SNRPN: variants seen among roughly 807,000 people sequenced by gnomAD.
The protein encoded by SNRPN is small nuclear ribonucleoprotein polypeptide N, also known as small nuclear ribonucleoprotein-associated protein N.
Under a neutral mutation model 25.2 loss-of-function variants are expected in SNRPN, and 7 were observed. The ratio of observed to expected loss-of-function variants is 0.28; its 90% confidence interval spans 0.16 to 0.52. The LOEUF (loss-of-function observed/expected upper bound fraction) is 0.52. Ranked by LOEUF, SNRPN falls within the 20% of genes least tolerant of loss-of-function variation. SNRPN has a pLI of 0.96. For missense variants in SNRPN, 196 were observed against 322.5 expected, an observed-to-expected ratio of 0.61 and a Z score of 3.00; for synonymous variants, 124 against 110.6, an observed-to-expected ratio of 1.12 and a Z score of -0.76.
At chr15:24,919,417 C>G (rs1482352900) in intron 2 of SNRPN, among the ~76,000 whole-genome samples, 2 of 134,676 alleles carry the variant, frequency 1.5e-5, no homozygotes, top group African/African-American at 5.7e-5. Flanking sequence ...GGCGACAGAG[C>G]GAGACTCTGT....
chr15:24,911,890 G>A (rs949317234), intron 2 of SNRPN, among the ~76,000 whole-genome samples: 3 of 152,150 alleles, frequency 2.0e-5, no homozygotes, highest in Non-Finnish European at 2.9e-5. Context: ...CTGTAGATCC[G>A]GTAGTGCGTA....
At chr15:24,969,996 G>C (rs181127530) in intron 3 of SNRPN, among the ~76,000 whole-genome samples, 11 of 152,304 alleles carry the variant, frequency 7.2e-5, no homozygotes, top group African/African-American at 2.6e-4. Context: ...ATAATTGGCT[G>C]AGTTTTATTT....
chr15:24,845,825 C>T (rs189328856), intron 2 of SNRPN, among the ~76,000 whole-genome samples: 253 of 152,220 alleles, frequency 1.7e-3, no homozygotes, highest in Middle Eastern at 0.01. Flanking sequence ...TGGCTCAAGA[C>T]TGTAATCCCA....
intron 2 of SNRPN, among the ~76,000 whole-genome samples, chr15:24,902,851 T>A (rs558258990): frequency 6.6e-6 from 1 of 152,218 alleles, no homozygotes; most frequent in East Asian, 1.9e-4. Flanking sequence ...CAAGATTTAT[T>A]GCAAAGAGCA....
Position 24,872,897 on chromosome 15 carries a change from TA to T in SNRPN, c.-578-13618del, listed in dbSNP as rs2055344752. On this transcript the variant is annotated intron_variant, in intron 1 of 11. Transcript: ENST00000400097. ...AAAAAAAAAAAAAAAAAAAAAAAAATAGTTTTCCTCATTGAATTGCCTTGGC... is the reference window on the plus strand; with the variant it reads ...AAAAAAAAAAAAAAAAAAAAAAAAATGTTTTCCTCATTGAATTGCCTTGGC... Among the ~76,000 whole-genome samples, 2 of 80,612 alleles carry T rather than the reference TA, an allele frequency of 2.5e-5. 1 individual carries two copies. Among genetic ancestry groups the T allele is most frequent in the Non-Finnish European group, 5.0e-5 (2 of 39,702 alleles). The allele number at this position is 80,612 out of a possible 152,430, so 52.9% of individuals were successfully genotyped here. A position where few individuals can be genotyped will look rare whatever the true frequency, so the allele number is the denominator to read the frequency against.
rs1194586260 is a variant in SNRPN at position 24,929,471 on chromosome 15, G to A, written c.-391+9347G>A. ...AGATAAATGTAAGCAGGCTTCTGCA[G>A]TGAAAGGGGCCAGGTCTAGGAAGAT... On this transcript the variant is annotated intron_variant, in intron 3 of 11. Transcript: ENST00000400097. This position sits in a 1 kb window ranked among gnomAD's most constrained non-coding sequence, Gnocchi z 5.3. Among the ~76,000 whole-genome samples, 1 of 152,180 alleles carries A rather than the reference G, an allele frequency of 6.6e-6. No individual in the cohort carries two copies. The highest frequency in any genetic ancestry group is 1.5e-5 in the Non-Finnish European group (1 of 68,040).
intron 3 of SNRPN, among the ~76,000 whole-genome samples, chr15:24,969,488 C>T (rs749204722): frequency 8.5e-5 from 13 of 152,134 alleles, no homozygotes; most frequent in Admixed American, 2.0e-4. Context: ...TTTCTTGAAT[C>T]CTTTATACAC....
At chr15:24,886,151 C>T (rs1189057937) in intron 1 of SNRPN, among the ~76,000 whole-genome samples, 1 of 152,086 alleles carries the variant, frequency 6.6e-6, no homozygotes, top group Non-Finnish European at 1.5e-5. Flanking sequence ...TTAGCAAGAC[C>T]CCCACACCTT....
At chr15:24,909,529 T>C (rs2059077198) in intron 2 of SNRPN, 4 of 1,479,680 alleles carry the variant, frequency 2.7e-6, no homozygotes, top group Non-Finnish European at 3.7e-6. Flanking sequence ...CAGTACAATA[T>C]GCTGCAGCAT....
chr15:24,917,684 G>A (rs1037248616), intron 2 of SNRPN, among the ~76,000 whole-genome samples: 1 of 152,254 alleles, frequency 6.6e-6, no homozygotes. Context: ...TGCGCAGTGA[G>A]GATGTTGGTG....
intron 1 of SNRPN, among the ~76,000 whole-genome samples, chr15:24,825,444 A>G (rs566019173): frequency 6.6e-6 from 1 of 152,102 alleles, no homozygotes; most frequent in Non-Finnish European, 1.5e-5. Context: ...TTTATTCTTC[A>G]TTGATGAGAG....
rs548158990 is a variant in SNRPN at position 24,934,025 on chromosome 15, C to T, written c.-391+13901C>T. On this transcript the variant is annotated intron_variant, in intron 3 of 11. Coordinates refer to the SNRPN transcript ENST00000400097. ...TGGTTTTAAATACTTGAGCCAGGTG[C>T]GGTGGCTCACACCTGTAATCCCATC... Among the ~76,000 whole-genome samples, 5 of 152,144 alleles carry T rather than the reference C, an allele frequency of 3.3e-5. No individual in the cohort carries two copies. In the South Asian group the frequency reaches 8.3e-4, roughly 25 times the overall value.
intron 2 of SNRPN, among the ~76,000 whole-genome samples, chr15:24,964,598 T>C (rs2153526864): frequency 6.6e-6 from 1 of 152,198 alleles, no homozygotes; most frequent in East Asian, 1.9e-4. Context: ...GCGCCCAGCC[T>C]CTCCCTTCAT....
chr15:24,834,751 C>CTCTCTCTCTCTCTCTCTATATATATATA, intron 2 of SNRPN, among the ~76,000 whole-genome samples: 2 of 60,956 alleles, frequency 3.3e-5, no homozygotes, highest in African/African-American at 5.9e-5. Flanking sequence ...CTCTCTCTCT[C>CTCTCTCTCTCTCTCTCTATATATATATA]TATATATATA....
intron 3 of SNRPN, among the ~76,000 whole-genome samples, chr15:24,934,283 G>A (rs2061080956): frequency 6.6e-6 from 1 of 152,064 alleles, no homozygotes; most frequent in East Asian, 1.9e-4. Context: ...GGGCAACAGA[G>A]TGAGACTCTG....
chr15:24,964,126 C>G (rs1439264379), intron 2 of SNRPN, among the ~76,000 whole-genome samples: 1 of 150,954 alleles, frequency 6.6e-6, no homozygotes, highest in Non-Finnish European at 1.5e-5. Context: ...TTTATTTTGC[C>G]GATTTTTACT....
At chr15:24,837,276 G>T (rs2051276140) in intron 2 of SNRPN, among the ~76,000 whole-genome samples, 1 of 152,018 alleles carries the variant, frequency 6.6e-6, no homozygotes, top group Non-Finnish European at 1.5e-5. Flanking sequence ...CTATAGGTGG[G>T]ACTCTTAACC....
At chr15:24,935,059 C>T (rs1402404965) in intron 3 of SNRPN, among the ~76,000 whole-genome samples, 3 of 152,052 alleles carry the variant, frequency 2.0e-5, no homozygotes, top group Non-Finnish European at 4.4e-5. Context: ...GTTGCCTGAC[C>T]TCAGGAGTTC....
chr15:24,959,493 A>C (rs1057332485), intron 1 of SNRPN, among the ~76,000 whole-genome samples: 1 of 152,104 alleles, frequency 6.6e-6, no homozygotes. Flanking sequence ...AAATAATAGA[A>C]TATTTTGGTT....
Sources: gnomAD v4.1 joint callset for allele counts (sites outside exome capture counted in the v4.1 genomes callset) on GRCh38, gnomAD v4.1.1 for gene constraint, Gnocchi (gnomAD v3.1) non-coding constraint, MANE v1.5 for transcripts, NCBI Gene and HGNC (gene_info 2026-07-23, HGNC 2026-07-21) for gene names.